OTOR: variants seen among roughly 807,000 people sequenced by gnomAD.
OTOR encodes the protein otoraplin.
In OTOR, 20 loss-of-function variants were observed where a neutral mutation model predicts 15.9. The ratio of observed to expected loss-of-function variants is 1.26; its 90% CI spans 0.89 to 1.83. OTOR has a LOEUF of 1.83. Among genes scored for constraint, OTOR ranks in the 40% most tolerant of loss-of-function variants. The probability of loss-of-function intolerance (pLI) is 0.00; values close to 1 mark genes in which losing one functional copy is unlikely to be tolerated. For missense variants in OTOR, 184 were observed against 159.0 expected, an observed-to-expected ratio of 1.16 and a Z score of -0.85; for synonymous variants, 53 against 54.2, an observed-to-expected ratio of 0.98 and a Z score of 0.09.
chr20:16,749,362 T>C (rs2072513698), intron 2 of OTOR: 1 of 177,460 alleles, frequency 5.6e-6, no homozygotes, highest in Non-Finnish European at 1.2e-5. Context: ...TAGGAAACTT[T>C]GCACCCTAAT....
chr20:16,750,919 T>C (rs2072525105), intron 3 of OTOR, among the ~76,000 whole-genome samples, 176 bp from the exon 4 acceptor site: 1 of 152,230 alleles, frequency 6.6e-6, no homozygotes. Flanking sequence ...AGGACCTTCA[T>C]TGTAAGTAGT....
intron 2 of OTOR, 107 bp from the exon 3 acceptor site, chr20:16,749,796 G>A: frequency 2.7e-6 from 2 of 739,556 alleles, no homozygotes; most frequent in South Asian, 3.3e-5. Flanking sequence ...TGAAAGGGAG[G>A]TATTGGCAGC....
chr20:16,751,590 G>C lies in OTOR; in HGVS notation c.*472G>C, dbSNP rs572909272. On this transcript the variant is annotated 3_prime_UTR_variant, in exon 4 of 4. Coordinates refer to ENST00000246081, the MANE Select transcript of OTOR (RefSeq NM_020157.4). ...TTAATAAAAGGTCTGTATTATCAAA[G>C]AGTATTCTAGTATTTTTGTTACTTT... The C allele has an allele frequency of 1.3e-5, 2 of 152,996 alleles. No individual in the cohort carries two copies. Among genetic ancestry groups the C allele is most frequent in the African/African-American group, 4.8e-5 (2 of 41,592 alleles). The allele number at this position is 152,996 out of a possible 1,614,324, so 9.5% of individuals were successfully genotyped here.
rs1457991050 is a variant in OTOR, at chr20:16,751,673, A to G, written c.*555A>G. On this transcript the variant is annotated 3_prime_UTR_variant, in exon 4 of 4. Coordinates refer to ENST00000246081, the MANE Select transcript of OTOR (RefSeq NM_020157.4). Reference sequence around the variant, plus strand: ...TGGGGGAAGAAGAGTTTTTGGACCCATAGATGTTTGGATGATGTCTCTAAT... The same window carrying G: ...TGGGGGAAGAAGAGTTTTTGGACCCGTAGATGTTTGGATGATGTCTCTAAT... The G allele has an allele frequency of 6.6e-6, 1 of 152,180 alleles. No individual in the cohort carries two copies. Among genetic ancestry groups the G allele is most frequent in the East Asian group, 1.9e-4 (1 of 5,198 alleles). 9.4% of individuals were successfully genotyped at this position (152,180 alleles called of 1,614,324 possible). A position where few individuals can be genotyped will look rare whatever the true frequency, so the allele number is the denominator to read the frequency against.
rs1288570411 is a variant in OTOR, at chr20:16,751,280, G to A, written c.*162G>A. ...GGGTTGGAGGTGGCAGATAAAAGAG[G>A]ATTTTCAACTCAAATCTTGTTTCCT... On this transcript the variant is annotated 3_prime_UTR_variant, in exon 4 of 4. Coordinates refer to ENST00000246081, the MANE Select transcript of OTOR (RefSeq NM_020157.4). The A allele has an allele frequency of 2.3e-5, 13 of 574,956 alleles. No individual in the cohort carries two copies. The highest frequency in any genetic ancestry group is 3.9e-5 in the Non-Finnish European group (13 of 331,558). 35.6% of individuals were successfully genotyped at this position (574,956 alleles called of 1,614,324 possible). A position where few individuals can be genotyped will look rare whatever the true frequency, so the allele number is the denominator to read the frequency against.
chr20:16,750,216 C>G (rs1350056497), intron 3 of OTOR, among the ~76,000 whole-genome samples: 2 of 152,130 alleles, frequency 1.3e-5, no homozygotes, highest in African/African-American at 2.4e-5. Context: ...ATACCACCCC[C>G]TTTTGTTTTA....
intron 3 of OTOR, among the ~76,000 whole-genome samples, chr20:16,750,821 T>C (rs915718920): frequency 1.3e-5 from 2 of 152,260 alleles, no homozygotes; most frequent in Admixed American, 1.3e-4. Context: ...CAAACACTGC[T>C]CATCCTACAC....
At position 16,748,953 on chromosome 20, in the gene OTOR, G is replaced by A; in HGVS notation, c.202G>A (p.Val68Met). 1 of 1,612,364 alleles carries A rather than the reference G, an allele frequency of 6.2e-7. No individual in the cohort carries two copies. Among genetic ancestry groups the A allele is most frequent in the Non-Finnish European group, 8.5e-7 (1 of 1,179,286 alleles). ...CGTTAAAAAAGGGCAGCAGATCTAT[G>A]TGTACTCAAAGCTGGTAAAAGAAAA... ...INVKKGQQIY[V>M]YSKLVKENGA... The change falls in exon 2 of 4, where the codon GTG (valine) becomes ATG (methionine). Residue 68 changes from valine to methionine, a missense_variant. Coordinates refer to ENST00000246081, the MANE Select transcript of OTOR (RefSeq NM_020157.4).
In OTOR at chr20:16,751,091, C is replaced by T. The variant is rs1286463883; in HGVS notation, c.364-4C>T. ...AATCTTTTTTTGTTTTTGTTTTTTT[C>T]CAGGATATTGACTTCTTCTGCGAGT... On this transcript the variant is annotated splice_region_variant and splice_polypyrimidine_tract_variant and intron_variant, in intron 3 of 3. Transcript: ENST00000246081. The T allele has an allele frequency of 1.3e-6, 2 of 1,535,896 alleles. No homozygotes were observed. The highest frequency in any genetic ancestry group is 2.3e-5 in the East Asian group (1 of 43,076).
chr20:16,749,185 G>A (rs1166256738), intron 2 of OTOR, among the ~76,000 whole-genome samples, 179 bp downstream of exon 2: 2 of 152,124 alleles, frequency 1.3e-5, no homozygotes, highest in African/African-American at 2.4e-5. Context: ...GATCAATTTC[G>A]TAACAAAACC....
At chr20:16,750,676 T>G (rs1021989224) in intron 3 of OTOR, among the ~76,000 whole-genome samples, 2 of 152,264 alleles carry the variant, frequency 1.3e-5, no homozygotes, top group African/African-American at 4.8e-5. Flanking sequence ...ATTCTATTTA[T>G]GTATGAAATA....
At position 16,752,045 on chromosome 20, in the gene OTOR, A is replaced by G. The variant is rs917417034; in HGVS notation, c.*927A>G. The G allele has an allele frequency of 3.3e-5, 5 of 152,196 alleles. No individual in the cohort carries two copies. The highest frequency in any genetic ancestry group is 1.2e-4 in the African/African-American group (5 of 41,464). The allele number at this position is 152,196 out of a possible 1,614,324, so 9.4% of individuals were successfully genotyped here. On this transcript the variant is annotated 3_prime_UTR_variant, in exon 4 of 4. Coordinates refer to ENST00000246081, the MANE Select transcript of OTOR (RefSeq NM_020157.4). ...GGTTTTGTGGTCCTGATGGGCCCAC[A>G]AGTTTTTCTATATTTAACTGGAAAT...
chr20:16,748,924 T>C lies in OTOR; in HGVS notation c.173T>C (p.Ile58Thr). 1.2e-6 allele frequency: 2 copies of C among 1,612,064 alleles called. No individual in the cohort carries two copies. The highest frequency in any genetic ancestry group is 1.7e-4 in the Middle Eastern group (1 of 6,052). ...TATAATGCCCCGGACTGTAGATTCA[T>C]TAACGTTAAAAAAGGGCAGCAGATC... is the stretch of plus-strand genomic sequence containing the variant. ...EDYNAPDCRF[I>T]NVKKGQQIYV... The change falls in exon 2 of 4, where the codon ATT (isoleucine) becomes ACT (threonine). Residue 58 changes from isoleucine (I) to threonine (T), a missense_variant. Transcript: ENST00000246081.
In OTOR at chr20:16,752,108, T is replaced by C. The variant is rs1398260360; in HGVS notation, c.*990T>C. The C allele has an allele frequency of 1.3e-5, 2 of 152,238 alleles. No homozygotes were observed. Among genetic ancestry groups the C allele is most frequent in the Non-Finnish European group, 2.9e-5 (2 of 68,030 alleles). 9.4% of individuals were successfully genotyped at this position (152,238 alleles called of 1,614,324 possible). ...TGTGTTATTAATATAATTCTTTTGATGTAGTCATGAGTTTTTCTTTGTTTG... is the reference window on the plus strand; with the variant it reads ...TGTGTTATTAATATAATTCTTTTGACGTAGTCATGAGTTTTTCTTTGTTTG... On this transcript the variant is annotated 3_prime_UTR_variant, in exon 4 of 4. Coordinates refer to ENST00000246081, the MANE Select transcript of OTOR (RefSeq NM_020157.4).
rs1267267871 is a variant in OTOR, at chr20:16,748,914, T to C, written c.163T>C (p.Cys55Arg). ...SAQEDYNAPD[C>R]RFINVKKGQQ... ...TCAAGAAGATTATAATGCCCCGGACTGTAGATTCATTAACGTTAAAAAAGG... is the reference window on the plus strand; with the variant it reads ...TCAAGAAGATTATAATGCCCCGGACCGTAGATTCATTAACGTTAAAAAAGG... Residue 55 changes from cysteine (C) to arginine (R), a missense_variant, in exon 2 of 4, where the codon TGT becomes CGT. Physicochemically the swap from Cys to Arg is radical, Grantham distance 180. Coordinates refer to ENST00000246081, the MANE Select transcript of OTOR (RefSeq NM_020157.4). The C allele has an allele frequency of 6.2e-7, 1 of 1,611,342 alleles. No homozygotes were observed. Among genetic ancestry groups the C allele is most frequent in the Admixed American group, 1.7e-5 (1 of 59,630 alleles).
rs931943989 is a variant in OTOR, at chr20:16,749,984, G to A, written c.337G>A (p.Glu113Lys). ...GGTCAAGGAACAGCGTGTGTACCAGGAAGCTACCAAGGAAGTTCCCACCAC... is the reference window on the plus strand; with the variant it reads ...GGTCAAGGAACAGCGTGTGTACCAGAAAGCTACCAAGGAAGTTCCCACCAC... ...NLVKEQRVYQ[E>K]ATKEVPTTDI... The change falls in exon 3 of 4, where the codon GAA (glutamate) becomes AAA (lysine). Residue 113 changes from glutamate (E) to lysine (K), a missense_variant. Glu to Lys is a moderately conservative substitution (Grantham distance 56, BLOSUM62 1). Coordinates refer to ENST00000246081, the MANE Select transcript of OTOR (RefSeq NM_020157.4). The A allele has an allele frequency of 6.2e-7, 1 of 1,613,234 alleles. No individual in the cohort carries two copies. The highest frequency in any genetic ancestry group is 8.5e-7 in the Non-Finnish European group (1 of 1,179,364).
Position 16,751,206 on chromosome 20 carries a change from G to T in OTOR, c.*88G>T. 1.1e-6 allele frequency: 1 copy of T among 908,022 alleles called. No homozygotes were observed. Among genetic ancestry groups the T allele is most frequent in the East Asian group, 2.7e-5 (1 of 37,146 alleles). The allele number at this position is 908,022 out of a possible 1,614,324, so 56.2% of individuals were successfully genotyped here. A position where few individuals can be genotyped will look rare whatever the true frequency, so the allele number is the denominator to read the frequency against. ...CCAAAAAATGCATGTCTGTAATTTT[G>T]GACTGACGTTTTAAGAATTTGTTAC... On this transcript the variant is annotated 3_prime_UTR_variant, in exon 4 of 4. Transcript: ENST00000246081.
At chr20:16,751,056 T>G in intron 3 of OTOR, 39 bp from the exon 4 acceptor site, 1 of 1,474,480 alleles carries the variant, frequency 6.8e-7, no homozygotes, top group Non-Finnish European at 9.2e-7. Context: ...TAGCCTAGGC[T>G]ATTTCGTTCA....
In OTOR at chr20:16,748,465, T is replaced by A; in HGVS notation, c.64T>A (p.Phe22Ile). The A allele has an allele frequency of 6.2e-7, 1 of 1,613,746 alleles. No individual in the cohort carries two copies. The highest frequency in any genetic ancestry group is 8.5e-7 in the Non-Finnish European group (1 of 1,179,630). ...GGCTGTATGTGCTGTGCATGGAATATTTATGGACCGTCTAGCTTCCAAGAA... is the reference window on the plus strand; with the variant it reads ...GGCTGTATGTGCTGTGCATGGAATAATTATGGACCGTCTAGCTTCCAAGAA... Reference protein sequence around the residue: ...LVAVCAVHGIFMDRLASKKLC... With the variant: ...LVAVCAVHGIIMDRLASKKLC... The change falls in exon 1 of 4, where the codon TTT becomes ATT. Residue 22 changes from phenylalanine (F) to isoleucine (I), a missense_variant. Physicochemically the swap from Phe to Ile is conservative, Grantham distance 21. Transcript: ENST00000246081.
Sources: gnomAD v4.1 joint callset for allele counts (sites outside exome capture counted in the v4.1 genomes callset) on GRCh38, gnomAD v4.1.1 for gene constraint, MANE v1.5 for transcripts, NCBI Gene and HGNC (gene_info 2026-07-23, HGNC 2026-07-21) for gene names.